The following SESTD1 variants were observed in gnomAD, a reference collection of about 807,000 sequenced individuals.
SESTD1 encodes the protein SEC14 domain and spectrin repeat-containing protein 1.
In SESTD1, 43 loss-of-function variants were observed where a neutral mutation model predicts 101.7. That is an observed-to-expected ratio of 0.42 (90% CI 0.33 to 0.55). SESTD1 has a LOEUF of 0.55. Among genes scored for constraint, SESTD1 ranks in the 20% least tolerant of loss-of-function variants. SESTD1 has a pLI of 0.07. For synonymous variants in SESTD1, 283 were observed against 286.8 expected (o/e 0.99, Z 0.13); for missense variants, 647 against 815.1 (o/e 0.79, Z 2.51).
intron 1 of SESTD1, among the ~76,000 whole-genome samples, chr2:179,249,683 CA>C (rs1263613690): frequency 2.0e-5 from 3 of 151,340 alleles, no homozygotes; most frequent in African/African-American, 7.3e-5. Flanking sequence ...CGTACAGAGG[CA>C]AAAAAAGAAT....
Position 179,200,867 on chromosome 2 carries a change from G to A in SESTD1, c.-25-9001C>T, listed in dbSNP as rs1479846777. On this transcript the variant is annotated intron_variant, in intron 1 of 17. Coordinates refer to ENST00000428443, the MANE Select transcript of SESTD1 (RefSeq NM_178123.5). ...CATTCAGGACATAGGCATGGGCAAG[G>A]ACTTCATGTCTAAAACACCAAAAGC... Among the ~76,000 whole-genome samples the A allele has an allele frequency of 2.2e-5, 3 of 134,016 alleles. 1 individual carries two copies. 87.9% of individuals were successfully genotyped at this position (134,016 alleles called of 152,430 possible).
At chr2:179,187,569 G>A (rs977574397) in intron 2 of SESTD1, among the ~76,000 whole-genome samples, 1 of 152,168 alleles carries the variant, frequency 6.6e-6, no homozygotes, top group Non-Finnish European at 1.5e-5. Flanking sequence ...AGGAGGTCAA[G>A]GCTACAGTGA....
At chr2:179,176,199 ATTAC>A (rs1254067553) in intron 4 of SESTD1, among the ~76,000 whole-genome samples, 1 of 152,182 alleles carries the variant, frequency 6.6e-6, no homozygotes, top group African/African-American at 2.4e-5. Context: ...CCTTTCTTAA[ATTAC>A]TTAAACATGA....
intron 1 of SESTD1, among the ~76,000 whole-genome samples, chr2:179,249,323 A>C (rs1187169101): frequency 6.6e-6 from 1 of 152,072 alleles, no homozygotes; most frequent in African/African-American, 2.4e-5. Context: ...GTATGGCTGC[A>C]GGATATAAGA....
rs201075178 is a variant in SESTD1, at chr2:179,200,853, T to C, written c.-25-8987A>G. ...AACCTAGGCATTACCATTCAGGACA[T>C]AGGCATGGGCAAGGACTTCATGTCT... On this transcript the variant is annotated intron_variant, in intron 1 of 17. Coordinates refer to ENST00000428443, the MANE Select transcript of SESTD1 (RefSeq NM_178123.5). Among the ~76,000 whole-genome samples, 5 of 134,170 alleles carry C rather than the reference T, an allele frequency of 3.7e-5. 1 individual carries two copies. The highest frequency in any genetic ancestry group is 4.0e-4 in the East Asian group (2 of 5,004). 88.0% of individuals were successfully genotyped at this position (134,170 alleles called of 152,430 possible). A position where few individuals can be genotyped will look rare whatever the true frequency, so the allele number is the denominator to read the frequency against.
chr2:179,217,429 GA>G (rs1185871558), intron 1 of SESTD1, among the ~76,000 whole-genome samples: 2 of 152,190 alleles, frequency 1.3e-5, no homozygotes, highest in East Asian at 3.8e-4. Flanking sequence ...ACCACAGTGA[GA>G]TACCATCTCA....
chr2:179,240,778 A>T (rs1016672798), intron 1 of SESTD1, among the ~76,000 whole-genome samples: 3 of 151,780 alleles, frequency 2.0e-5, no homozygotes, highest in Admixed American at 2.0e-4. Context: ...AGGAGTGTGA[A>T]GTGAGAGAAA....
At chr2:179,135,380 T>C (rs2045117344) in intron 9 of SESTD1, among the ~76,000 whole-genome samples, 2 of 152,220 alleles carry the variant, frequency 1.3e-5, no homozygotes, top group African/African-American at 2.4e-5. Context: ...GATTTATCTC[T>C]TCATGTTCTT....
At chr2:179,139,105 C>A (rs2045221253) in intron 9 of SESTD1, among the ~76,000 whole-genome samples, 1 of 152,062 alleles carries the variant, frequency 6.6e-6, no homozygotes, top group Non-Finnish European at 1.5e-5. Flanking sequence ...TTGTAATGTT[C>A]TATTCTCTAA....
intron 9 of SESTD1, among the ~76,000 whole-genome samples, chr2:179,134,421 T>C (rs941641881): frequency 1.3e-5 from 2 of 152,194 alleles, no homozygotes; most frequent in African/African-American, 2.4e-5. Context: ...CTCTTCTATC[T>C]GTCCAACCAA....
At chr2:179,169,951 G>A (rs1575458688) in intron 5 of SESTD1, among the ~76,000 whole-genome samples, 1 of 143,452 alleles carries the variant, frequency 7.0e-6, no homozygotes, top group African/African-American at 2.6e-5. Context: ...TCCAGCCTGG[G>A]TAACAAAAGC....
At chr2:179,188,128 A>T (rs1014082041) in intron 2 of SESTD1, among the ~76,000 whole-genome samples, 1 of 152,192 alleles carries the variant, frequency 6.6e-6, no homozygotes, top group Non-Finnish European at 1.5e-5. Context: ...CAGAATATAC[A>T]TTCTTCTCAT....
rs150818060 is a variant in SESTD1 at position 179,147,649 on chromosome 2, C to T, written c.582-1192G>A. ...TGCTGGGATTACAGGCATGAGCCAC[C>T]GCGCCCAGCCTGAACAAGATATGTT... On this transcript the variant is annotated intron_variant, in intron 7 of 17. Coordinates refer to ENST00000428443, the MANE Select transcript of SESTD1 (RefSeq NM_178123.5). 8.6e-3 allele frequency among the ~76,000 whole-genome samples: 1,305 copies of T among 152,188 alleles called. 10 individuals carry two copies. The highest frequency in any genetic ancestry group is 0.029 in the African/African-American group (1,214 of 41,512).
At chr2:179,183,228 T>C (rs767863973) in intron 2 of SESTD1, 40 bp from the exon 3 acceptor site, 3 of 1,292,712 alleles carry the variant, frequency 2.3e-6, no homozygotes, top group Non-Finnish European at 3.3e-6. Flanking sequence ...GTAATACATA[T>C]TAAGGCATAA....
At chr2:179,110,702 G>C (rs2044488041) in intron 17 of SESTD1, among the ~76,000 whole-genome samples, 2 of 152,070 alleles carry the variant, frequency 1.3e-5, no homozygotes, top group Non-Finnish European at 2.9e-5. Flanking sequence ...ATTTTACCAG[G>C]AGAAGGTATA....
intron 10 of SESTD1, 63 bp from the exon 11 acceptor site, chr2:179,124,621 T>C: frequency 7.4e-7 from 1 of 1,343,134 alleles, no homozygotes; most frequent in Non-Finnish European, 1.0e-6. Flanking sequence ...AGATTACATT[T>C]TATAATTTCT....
chr2:179,132,082 T>C (rs1159964364), intron 10 of SESTD1: 1 of 400,492 alleles, frequency 2.5e-6, no homozygotes, highest in East Asian at 4.1e-5. Flanking sequence ...TGTGCTTCTA[T>C]AAAAATATAA....
chr2:179,218,909 C>T (rs2046764365), intron 1 of SESTD1, among the ~76,000 whole-genome samples: 1 of 152,200 alleles, frequency 6.6e-6, no homozygotes, highest in Non-Finnish European at 1.5e-5. Flanking sequence ...TCCCAAACAT[C>T]TGATGAATTA....
chr2:179,251,179 A>C lies in SESTD1; in HGVS notation c.-26+13320T>G, dbSNP rs1310424239. Among the ~76,000 whole-genome samples the C allele has an allele frequency of 3.3e-5, 5 of 152,216 alleles. No individual in the cohort carries two copies. In the East Asian group the frequency reaches 7.7e-4, roughly 23 times the overall value. On this transcript the variant is annotated intron_variant, in intron 1 of 17. Coordinates refer to ENST00000428443, the MANE Select transcript of SESTD1 (RefSeq NM_178123.5). ...AAACCAATCCCAAAAATATATATAC[A>C]ATAAGATCCCATTTATATAGCACTC...
Sources: allele counts gnomAD v4.1 joint callset (sites outside exome capture counted in the v4.1 genomes callset), GRCh38; gene constraint gnomAD v4.1.1; transcripts MANE v1.5; gene names NCBI Gene and HGNC (gene_info 2026-07-23, HGNC 2026-07-21).